Variants in E2F5 observed in about 807,000 individuals in gnomAD.
E2F5 encodes the protein transcription factor E2F5.
Under a neutral mutation model 39.1 loss-of-function variants are expected in E2F5, and 23 were observed. The observed-to-expected ratio is 0.59, with a 90% CI of 0.42 to 0.83. The LOEUF is 0.83. E2F5 is among the 40% of genes least tolerant of loss of function. The probability of loss-of-function intolerance (pLI) is 0.00; values close to 1 mark genes in which losing one functional copy is unlikely to be tolerated. For synonymous variants in E2F5, 145 were observed against 157.8 expected (o/e 0.92, Z 0.61); for missense variants, 365 against 406.7 (o/e 0.90, Z 0.88).
At chr8:85,200,697 G>A (rs147749996) in intron 1 of E2F5, among the ~76,000 whole-genome samples, 5 of 152,326 alleles carry the variant, frequency 3.3e-5, no homozygotes, top group East Asian at 3.9e-4. Flanking sequence ...GATTTGTACC[G>A]TTAACTTTGC....
chr8:85,206,118 C>G (rs746668460), intron 3 of E2F5, 59 bp from the exon 4 acceptor site: 8 of 1,531,080 alleles, frequency 5.2e-6, no homozygotes, highest in Non-Finnish European at 7.2e-6. Flanking sequence ...GATGTATTAC[C>G]TTAATTTAAA....
chr8:85,214,023 C>T lies in E2F5; in HGVS notation c.*161C>T. 1 of 598,124 alleles carries T rather than the reference C, an allele frequency of 1.7e-6. No homozygotes were observed. Among genetic ancestry groups the T allele is most frequent in the South Asian group, 2.0e-5 (1 of 50,614 alleles). 37.1% of individuals were successfully genotyped at this position (598,124 alleles called of 1,614,324 possible). A position where few individuals can be genotyped will look rare whatever the true frequency, so the allele number is the denominator to read the frequency against. The stretch of plus-strand genomic sequence containing the variant: ...TTTCTTTACTTCACAAAACTTCAAC[C>T]ATAAAAACAAAGGGCTCTGATTGCT... On this transcript the variant is annotated 3_prime_UTR_variant, in exon 8 of 8. Transcript: ENST00000416274.
At chr8:85,181,628 C>T (rs1425634279) in intron 1 of E2F5, among the ~76,000 whole-genome samples, 1 of 148,126 alleles carries the variant, frequency 6.8e-6, no homozygotes, top group Non-Finnish European at 1.5e-5. Context: ...CGTGAGCCAC[C>T]GCGCCTGGCC....
At chr8:85,199,071 G>A (rs1812638759) in intron 1 of E2F5, among the ~76,000 whole-genome samples, 1 of 151,966 alleles carries the variant, frequency 6.6e-6, no homozygotes, top group Non-Finnish European at 1.5e-5. Flanking sequence ...CATCTTCATA[G>A]CTACCCCTCC....
At chr8:85,212,454 G>GC in intron 7 of E2F5, 1 of 408,242 alleles carries the variant, frequency 2.4e-6, no homozygotes, top group Non-Finnish European at 4.4e-6. Flanking sequence ...TAAACTGTTA[G>GC]CCCTTTCCAC....
At chr8:85,178,513 C>G (rs4150843) in intron 1 of E2F5, among the ~76,000 whole-genome samples, 4 of 152,140 alleles carry the variant, frequency 2.6e-5, no homozygotes, top group African/African-American at 9.7e-5. Flanking sequence ...CAACAGCGCT[C>G]AGGATAATGA....
chr8:85,205,080 G>A (rs2129733211), intron 3 of E2F5, among the ~76,000 whole-genome samples: 1 of 152,268 alleles, frequency 6.6e-6, no homozygotes, highest in African/African-American at 2.4e-5. Flanking sequence ...CAGCTACCAG[G>A]GAGGCCATAG....
Position 85,214,410 on chromosome 8 carries a change from C to T in E2F5, c.*548C>T. 3 of 644,322 alleles carry T rather than the reference C, an allele frequency of 4.7e-6. No homozygotes were observed. The highest frequency in any genetic ancestry group is 8.3e-6 in the Non-Finnish European group (3 of 362,272). The allele number at this position is 644,322 out of a possible 1,614,324, so 39.9% of individuals were successfully genotyped here. The stretch of plus-strand genomic sequence containing the variant: ...CACATTTTGTTGACTTCTGACATTC[C>T]ACTTTCCTAGGTTATAGGAAAGATC... On this transcript the variant is annotated 3_prime_UTR_variant, in exon 8 of 8. Transcript: ENST00000416274.
At chr8:85,186,280 G>A (rs1034755043) in intron 1 of E2F5, among the ~76,000 whole-genome samples, 5 of 151,878 alleles carry the variant, frequency 3.3e-5, no homozygotes, top group Non-Finnish European at 1.5e-5. Context: ...AACACCACAT[G>A]TTCTCACTCG....
At chr8:85,185,999 C>A in intron 1 of E2F5, among the ~76,000 whole-genome samples, 1 of 152,180 alleles carries the variant, frequency 6.6e-6, no homozygotes, top group East Asian at 1.9e-4. Flanking sequence ...CCCAGCAATC[C>A]TATTACTGGC....
In E2F5 at chr8:85,213,913, A is replaced by C. The variant is rs1462560665; in HGVS notation, c.*51A>C. On this transcript the variant is annotated 3_prime_UTR_variant, in exon 8 of 8. Coordinates refer to ENST00000416274, the MANE Select transcript of E2F5 (RefSeq NM_001951.4). ...TCTACCTCTAACTGTGTAACATTTT[A>C]GACTTCTTAATAACCTAAATATTTA... 10 of 1,057,222 alleles carry C rather than the reference A, an allele frequency of 9.5e-6. No homozygotes were observed. The Admixed American group carries it at 2.0e-4, about 21-fold the overall frequency. The allele number at this position is 1,057,222 out of a possible 1,614,324, so 65.5% of individuals were successfully genotyped here.
At chr8:85,212,099 AAT>A (rs1346930176) in intron 6 of E2F5, 56 bp from the exon 7 acceptor site, 4 of 1,354,138 alleles carry the variant, frequency 3.0e-6, no homozygotes, top group African/African-American at 1.4e-5. Flanking sequence ...CTTGTGTTTA[AAT>A]ATGAGTATCT....
In E2F5 at chr8:85,203,256, A is replaced by G; in HGVS notation, c.506+1A>G. On this transcript the variant is annotated splice_donor_variant, in intron 3 of 7. Transcript: ENST00000416274. LOFTEE classifies it high-confidence loss of function. ...TGATGGACGATTCCATTAATAATAG[A>G]TATCCTTTTAAATAAGTTATGCATA... 6.3e-7 allele frequency: 1 copy of G among 1,587,056 alleles called. No individual in the cohort carries two copies.
chr8:85,203,686 C>T (rs979853743), intron 3 of E2F5, among the ~76,000 whole-genome samples: 6 of 151,478 alleles, frequency 4.0e-5, no homozygotes, highest in Non-Finnish European at 8.8e-5. Flanking sequence ...TATGATGTGT[C>T]CACAATCAAT....
chr8:85,196,007 A>C (rs1405797555), intron 1 of E2F5, among the ~76,000 whole-genome samples: 2 of 152,134 alleles, frequency 1.3e-5, no homozygotes, highest in Non-Finnish European at 2.9e-5. Context: ...GTTTATTAAA[A>C]ATTTTTTTTT....
intron 6 of E2F5, 36 bp downstream of exon 6, chr8:85,209,445 G>A (rs1404785965): frequency 1.3e-6 from 2 of 1,545,312 alleles, no homozygotes; most frequent in Non-Finnish European, 8.7e-7. Context: ...AATTAGAGAG[G>A]GAGAAATATA....
chr8:85,208,043 A>T (rs1812833723), intron 5 of E2F5, among the ~76,000 whole-genome samples: 1 of 152,194 alleles, frequency 6.6e-6, no homozygotes, highest in African/African-American at 2.4e-5. Context: ...AAATGACCAC[A>T]TTGGGCTGGG....
At chr8:85,200,548 A>G (rs1166291087) in intron 1 of E2F5, among the ~76,000 whole-genome samples, 2 of 152,232 alleles carry the variant, frequency 1.3e-5, no homozygotes, top group Admixed American at 6.5e-5. Context: ...TTCTGATACC[A>G]AAACCAGAGT....
At chr8:85,185,147 A>G (rs549211748) in intron 1 of E2F5, among the ~76,000 whole-genome samples, 1 of 152,306 alleles carries the variant, frequency 6.6e-6, no homozygotes, top group East Asian at 1.9e-4. Context: ...ACAGCATGGT[A>G]TTGGTACCAA....
Sources: gnomAD v4.1 joint callset for allele counts (sites outside exome capture counted in the v4.1 genomes callset) on GRCh38, gnomAD v4.1.1 for gene constraint, MANE v1.5 for transcripts, NCBI Gene and HGNC (gene_info 2026-07-23, HGNC 2026-07-21) for gene names.